The following EEIG2 variants were observed in gnomAD, a reference collection of about 807,000 sequenced individuals.
EEIG2 encodes the protein family with sequence similarity 102 member B.
chr1:108,601,902 C>CCCCA, the EEIG2 span, among the ~76,000 whole-genome samples: 3 of 152,286 alleles, frequency 2.0e-5, no homozygotes, highest in East Asian at 5.8e-4. Flanking sequence ...ATTCCAGGCA[C>CCCCA]TGGGAGGACA....
At chr1:108,629,552 T>C in the EEIG2 span, 1 of 1,370,594 alleles carries the variant, frequency 7.3e-7, no homozygotes, top group South Asian at 1.2e-5. Context: ...GTCTAATAAT[T>C]GTACATGTAA....
the EEIG2 span, among the ~76,000 whole-genome samples, chr1:108,610,712 C>T: frequency 3.9e-5 from 6 of 152,046 alleles, no homozygotes; most frequent in Admixed American, 1.3e-4. Context: ...AGGCGGATCA[C>T]GAGGTCAGGA....
the EEIG2 span, among the ~76,000 whole-genome samples, chr1:108,614,606 T>G: frequency 6.6e-6 from 1 of 152,180 alleles, no homozygotes; most frequent in Non-Finnish European, 1.5e-5. Flanking sequence ...TTTTGTCTCC[T>G]GTTACAATGG....
the EEIG2 span, chr1:108,606,112 G>A: frequency 1.7e-6 from 1 of 603,802 alleles, no homozygotes; most frequent in Non-Finnish European, 2.6e-6. Context: ...GAATTTTACT[G>A]TCTATGATAT....
chr1:108,612,213 T>C, the EEIG2 span: 3 of 1,613,552 alleles, frequency 1.9e-6, no homozygotes, highest in South Asian at 2.2e-5. Context: ...CAGAGTTTGC[T>C]GGATCAGGAA....
chr1:108,627,286 T>C, the EEIG2 span: 1 of 152,246 alleles, frequency 6.6e-6, no homozygotes, highest in African/African-American at 2.4e-5. Flanking sequence ...AGGACCAGGT[T>C]ACTCCAGTAT....
At chr1:108,583,939 G>A in the EEIG2 span, among the ~76,000 whole-genome samples, 1 of 152,140 alleles carries the variant, frequency 6.6e-6, no homozygotes, top group South Asian at 2.1e-4. Context: ...AGAGGACAGG[G>A]TGTTCAGCTC....
the EEIG2 span, among the ~76,000 whole-genome samples, chr1:108,581,528 C>G: frequency 6.6e-6 from 1 of 150,900 alleles, no homozygotes; most frequent in Admixed American, 6.7e-5. Context: ...GGGAGGAGGT[C>G]AAAATACCAA....
the EEIG2 span, among the ~76,000 whole-genome samples, chr1:108,582,683 T>G: frequency 6.6e-6 from 1 of 152,122 alleles, no homozygotes; most frequent in African/African-American, 2.4e-5. Context: ...CTTAAGCAAA[T>G]CCAAGAGAGA....
chr1:108,626,668 A>T, the EEIG2 span: 2 of 152,188 alleles, frequency 1.3e-5, no homozygotes, highest in Admixed American at 1.3e-4. Context: ...CCTTTCTTAA[A>T]GCCACTGAAC....
chr1:108,603,459 C>CTG, the EEIG2 span, among the ~76,000 whole-genome samples: 144,542 of 152,156 alleles, frequency 0.95, 69,075 homozygotes, highest in Non-Finnish European at 1. Context: ...CTTACAAAGA[C>CTG]AAACCCAGCC....
the EEIG2 span, among the ~76,000 whole-genome samples, chr1:108,618,758 G>T: frequency 1.3e-5 from 2 of 151,180 alleles, no homozygotes; most frequent in Admixed American, 1.3e-4. Flanking sequence ...GATTGCTTGA[G>T]CCTGGGAAGT....
chr1:108,622,138 T>A, the EEIG2 span, among the ~76,000 whole-genome samples: 3 of 152,088 alleles, frequency 2.0e-5, no homozygotes, highest in African/African-American at 7.2e-5. Flanking sequence ...GCCTGGGAAA[T>A]GAGCGAAACT....
chr1:108,586,012 TA>T, the EEIG2 span, among the ~76,000 whole-genome samples: 10 of 152,150 alleles, frequency 6.6e-5, no homozygotes, highest in African/African-American at 2.4e-4. Flanking sequence ...TCCTTTTTGA[TA>T]ATTATACTTG....
the EEIG2 span, among the ~76,000 whole-genome samples, chr1:108,617,280 A>T: frequency 6.6e-6 from 1 of 152,152 alleles, no homozygotes; most frequent in African/African-American, 2.4e-5. Context: ...AAATTATCTG[A>T]CTTGTGGCTG....
the EEIG2 span, among the ~76,000 whole-genome samples, chr1:108,579,772 T>TGTGTGTGTGAGAGA: frequency 1.7e-3 from 100 of 58,866 alleles, 1 homozygote; most frequent in Middle Eastern, 9.8e-3. Context: ...TGTGTGTGTG[T>TGTGTGTGTGAGAGA]GAGAGAGAGA....
the EEIG2 span, among the ~76,000 whole-genome samples, chr1:108,595,895 C>A: frequency 6.6e-6 from 1 of 150,776 alleles, no homozygotes; most frequent in Non-Finnish European, 1.5e-5. Context: ...GTGAATGTTT[C>A]TTTTAAGAAA....
At chr1:108,580,660 G>A in the EEIG2 span, among the ~76,000 whole-genome samples, 1 of 149,922 alleles carries the variant, frequency 6.7e-6, no homozygotes, top group Admixed American at 6.6e-5. Flanking sequence ...GGTCACACCA[G>A]CCACAATATT....
the EEIG2 span, among the ~76,000 whole-genome samples, chr1:108,587,635 C>T: frequency 1.3e-5 from 2 of 152,146 alleles, no homozygotes; most frequent in South Asian, 2.1e-4. Flanking sequence ...TTTGCCTTTT[C>T]CAGTATGTCA....
Sources: gnomAD v4.1 joint callset for allele counts (sites outside exome capture counted in the v4.1 genomes callset) on GRCh38, gnomAD v4.1.1 for gene constraint, MANE v1.5 for transcripts, NCBI Gene and HGNC (gene_info 2026-07-23, HGNC 2026-07-21) for gene names.